Variants in POTEE observed in about 807,000 individuals in gnomAD.
POTEE encodes the protein POTE ankyrin domain family member E.
Under a neutral mutation model 74.2 loss-of-function variants are expected in POTEE, and 21 were observed. The ratio of observed to expected loss-of-function variants is 0.28; its 90% CI spans 0.20 to 0.41. The LOEUF (loss-of-function observed/expected upper bound fraction) is 0.41, where lower values mean the gene tolerates loss of function less well. POTEE is among the 10% of genes least tolerant of loss of function. The probability of loss-of-function intolerance (pLI) is 1.00; values close to 1 mark genes in which losing one functional copy is unlikely to be tolerated. For missense variants in POTEE, 525 were observed against 1,158.6 expected (o/e 0.45, Z 7.94); for synonymous variants, 211 against 432.8 (o/e 0.49, Z 6.36).
intron 6 of POTEE, among the ~76,000 whole-genome samples, chr2:131,225,637 G>A (rs1211223578): frequency 2.0e-5 from 3 of 147,826 alleles, no homozygotes; most frequent in Non-Finnish European, 3.0e-5. Context: ...TGTGATCACA[G>A]CTCACTGCAG....
chr2:131,255,565 GTTT>G (rs752323540), intron 16 of POTEE, among the ~76,000 whole-genome samples: 5 of 13,604 alleles, frequency 3.7e-4, no homozygotes, highest in South Asian at 1.6e-3. Flanking sequence ...CTTTCTCATA[GTTT>G]TTTTTTTTTT....
rs566782772 is a variant in POTEE at position 131,209,670 on chromosome 2, TCTC to T, written c.-491_-489del. The stretch of plus-strand genomic sequence containing the variant: ...AGGAGGGCAACTAGTAGCGGGAGCT[TCTC>T]CTGCCAGGCAGGAAGACGAGTAGAA... On this transcript the variant is annotated 5_prime_UTR_variant, in exon 1 of 18. Coordinates refer to ENST00000683005, the MANE Select transcript of POTEE (RefSeq NM_001083538.3). Among the ~76,000 whole-genome samples, 101 of 152,338 alleles carry T rather than the reference TCTC, an allele frequency of 6.6e-4. No individual in the cohort carries two copies. Among genetic ancestry groups the T allele is most frequent in the African/African-American group, 2.4e-3 (100 of 41,574 alleles).
intron 1 of POTEE, among the ~76,000 whole-genome samples, 144 bp downstream of exon 1, chr2:131,209,963 G>T (rs1048551737): frequency 4.2e-5 from 6 of 142,558 alleles, no homozygotes; most frequent in Admixed American, 1.4e-4. Flanking sequence ...GGTGGAGGGG[G>T]GCGGTTTTGG....
At chr2:131,209,903 C>A (rs1209275782) in intron 1 of POTEE, among the ~76,000 whole-genome samples, 84 bp downstream of exon 1, 1 of 149,538 alleles carries the variant, frequency 6.7e-6, no homozygotes, top group Non-Finnish European at 1.5e-5. Context: ...GGCTGCACTG[C>A]CTGTGTCAGG....
At chr2:131,210,584 C>G (rs1246254555) in intron 1 of POTEE, among the ~76,000 whole-genome samples, 1 of 152,032 alleles carries the variant, frequency 6.6e-6, no homozygotes, top group African/African-American at 2.4e-5. Context: ...GGGCAGGGCC[C>G]CCACACCCAC....
chr2:131,260,770 G>GT (rs1357067343), intron 16 of POTEE, among the ~76,000 whole-genome samples: 2 of 90,136 alleles, frequency 2.2e-5, no homozygotes, highest in East Asian at 7.0e-4. Context: ...TGAAGAGATA[G>GT]TTTGACTTCC....
At chr2:131,214,435 A>G (rs1330934363) in intron 2 of POTEE, among the ~76,000 whole-genome samples, 13 of 152,282 alleles carry the variant, frequency 8.5e-5, no homozygotes, top group Admixed American at 8.5e-4. Flanking sequence ...GAAATACAGG[A>G]CAGGTCAGAT....
Position 131,217,700 on chromosome 2 carries a change from G to A in POTEE, c.-94+17G>A, listed in dbSNP as rs1409627807. 2.8e-4 allele frequency among the ~76,000 whole-genome samples: 42 copies of A among 150,416 alleles called. 1 individual carries two copies. The highest frequency in any genetic ancestry group is 9.6e-4 in the African/African-American group (39 of 40,730). ...CTTAAGCAGGCGCGTTGCATGCATC[G>A]GCCAGTGTCTGTGCCACGTGCCCTG... On this transcript the variant is annotated intron_variant, in intron 3 of 17. Coordinates refer to ENST00000683005, the MANE Select transcript of POTEE (RefSeq NM_001083538.3).
chr2:131,210,153 G>A (rs1700326899), intron 1 of POTEE, among the ~76,000 whole-genome samples: 2 of 146,392 alleles, frequency 1.4e-5, no homozygotes, highest in South Asian at 4.6e-4. Context: ...GGCAGCGGGG[G>A]GTGGTTTAGG....
rs998717685 is a variant in POTEE, at chr2:131,217,891, C to T, written c.-94+208C>T. Among the ~76,000 whole-genome samples, 665 of 149,434 alleles carry T rather than the reference C, an allele frequency of 4.5e-3. 8 individuals are homozygous for T. Among genetic ancestry groups the T allele is most frequent in the African/African-American group, 0.015 (619 of 40,554 alleles). On this transcript the variant is annotated intron_variant, in intron 3 of 17. Coordinates refer to ENST00000683005, the MANE Select transcript of POTEE (RefSeq NM_001083538.3). ...TAACGGCTTGCACGCGCACGCCGCA[C>T]GCGCGTAACGGCTTGGCTGGCCTGT...
chr2:131,226,982 G>A, intron 7 of POTEE, 53 bp downstream of exon 7: 2 of 1,600,448 alleles, frequency 1.2e-6, no homozygotes, highest in African/African-American at 1.3e-5. Flanking sequence ...AGTCACTCAA[G>A]TCATAAATAT....
rs997204191 is a variant in POTEE, at chr2:131,210,128, T to C, written c.-345+309T>C. On this transcript the variant is annotated intron_variant, in intron 1 of 17. Transcript: ENST00000683005. The stretch of plus-strand genomic sequence containing the variant: ...GCAGGGAGTGGTTTGGGTGGTTATT[T>C]GGAGCTACAATGCTGGCAGCGGGGG... Among the ~76,000 whole-genome samples the C allele has an allele frequency of 7.7e-5, 11 of 143,348 alleles. No individual in the cohort carries two copies. The East Asian group carries it at 8.4e-4, about 11-fold the overall frequency. The allele number at this position is 143,348 out of a possible 152,430, so 94.0% of individuals were successfully genotyped here.
At chr2:131,225,378 T>TAAC (rs113056508) in intron 6 of POTEE, among the ~76,000 whole-genome samples, 9 of 127,024 alleles carry the variant, frequency 7.1e-5, no homozygotes, top group East Asian at 4.7e-4. Flanking sequence ...ACCCTGTCTC[T>TAAC]AACAACAACA....
At chr2:131,246,450 C>G (rs1309611231) in intron 13 of POTEE, among the ~76,000 whole-genome samples, 1 of 148,486 alleles carries the variant, frequency 6.7e-6, no homozygotes, top group East Asian at 2.0e-4. Context: ...TTTAATTTAG[C>G]TACCTATTTG....
rs1457441209 is a variant in POTEE, at chr2:131,211,123, ACT to A, written c.-246_-245del. Among the ~76,000 whole-genome samples the A allele has an allele frequency of 6.6e-6, 1 of 151,532 alleles. No individual in the cohort carries two copies. Among genetic ancestry groups the A allele is most frequent in the Admixed American group, 6.6e-5 (1 of 15,252 alleles). On this transcript the variant is annotated 5_prime_UTR_variant, in exon 2 of 18. The change abolishes the stop of an existing upstream ORF in the 5' untranslated region. Coordinates refer to ENST00000683005, the MANE Select transcript of POTEE (RefSeq NM_001083538.3). ...TACGCTGGAGCCTGCATGTGGCGTG[ACT>A]CTGCAGCTCGCCTCGTGTGACTGAT...
rs1456661070 is a variant in POTEE, at chr2:131,218,616, T to A, written c.214T>A (p.Cys72Ser). 5 of 1,611,790 alleles carry A rather than the reference T, an allele frequency of 3.1e-6. No individual in the cohort carries two copies. The African/African-American group carries it at 6.8e-5, about 22-fold the overall frequency. The change falls in exon 4 of 18, where the codon TGC (cysteine) becomes AGC (serine). Residue 72 changes from cysteine (C) to serine (S), a missense_variant. Coordinates refer to ENST00000683005, the MANE Select transcript of POTEE (RefSeq NM_001083538.3). Reference sequence around the variant, plus strand: ...GTGGTGCCACCACTGCTTCCCCTGCTGCAGGGGGAGTGGCAAGAGCAACGT... The same window carrying A: ...GTGGTGCCACCACTGCTTCCCCTGCAGCAGGGGGAGTGGCAAGAGCAACGT... ...GKWCHHCFPC[C>S]RGSGKSNVGA...
intron 16 of POTEE, among the ~76,000 whole-genome samples, chr2:131,260,199 C>T (rs560269234): frequency 8.0e-5 from 12 of 149,764 alleles, no homozygotes; most frequent in South Asian, 2.1e-4. Context: ...ACGAGTACCA[C>T]GCTGTTTCTG....
chr2:131,256,916 A>G (rs1477891518), intron 16 of POTEE, among the ~76,000 whole-genome samples: 2 of 152,312 alleles, frequency 1.3e-5, no homozygotes, highest in Non-Finnish European at 2.9e-5. Flanking sequence ...TCTCTAACGT[A>G]ATTGAGGGAA....
At chr2:131,229,443 G>A (rs1162428284) in intron 8 of POTEE, among the ~76,000 whole-genome samples, 1 of 152,268 alleles carries the variant, frequency 6.6e-6, no homozygotes, top group Admixed American at 6.5e-5. Context: ...GAAAATTGTC[G>A]GAGCTACTTC....
Sources: gnomAD v4.1 joint callset for allele counts (sites outside exome capture counted in the v4.1 genomes callset) on GRCh38, gnomAD v4.1.1 for gene constraint, MANE v1.5 for transcripts, NCBI Gene and HGNC (gene_info 2026-07-23, HGNC 2026-07-21) for gene names.